Variants in RNF111 observed in about 807,000 individuals in gnomAD.
RNF111 encodes E3 ubiquitin-protein ligase Arkadia.
RNF111 carries 17 observed loss-of-function variants against 95.1 expected under a neutral mutation model. That is an observed-to-expected ratio of 0.18 (90% CI 0.12 to 0.27). The LOEUF is 0.27. RNF111 is among the 10% of genes least tolerant of loss of function. The pLI, the probability that RNF111 is intolerant of heterozygous loss-of-function variation, is 1.00. For synonymous variants in RNF111, 440 were observed against 414.8 expected (o/e 1.06, Z -0.74); for missense variants, 1,189 against 1,210.4 (o/e 0.98, Z 0.26).
intron 2 of RNF111, 86 bp from the exon 3 acceptor site, chr15:59,052,219 T>TG: frequency 8.4e-7 from 1 of 1,185,364 alleles, no homozygotes; most frequent in Non-Finnish European, 1.1e-6. Flanking sequence ...ATGAATTTCA[T>TG]GGTCTTCAAA....
At chr15:59,076,659 A>C (rs1339071050) in intron 7 of RNF111, among the ~76,000 whole-genome samples, 1 of 152,226 alleles carries the variant, frequency 6.6e-6, no homozygotes, top group Non-Finnish European at 1.5e-5. Flanking sequence ...CAGGAGTTTG[A>C]GACCAGCCTA....
chr15:59,021,011 C>A (rs1006078999), intron 1 of RNF111, among the ~76,000 whole-genome samples: 1 of 151,914 alleles, frequency 6.6e-6, no homozygotes, highest in Non-Finnish European at 1.5e-5. Context: ...TTTGGTGCAC[C>A]CATCACCTGA....
At chr15:59,029,440 G>A (rs1483261684) in intron 1 of RNF111, among the ~76,000 whole-genome samples, 2 of 152,204 alleles carry the variant, frequency 1.3e-5, no homozygotes, top group African/African-American at 2.4e-5. Context: ...GCTGATCTTG[G>A]ATACAGCACT....
chr15:59,078,671 C>A (rs2078642724), intron 7 of RNF111, among the ~76,000 whole-genome samples: 3 of 151,768 alleles, frequency 2.0e-5, no homozygotes, highest in Non-Finnish European at 2.9e-5. Flanking sequence ...CCAGCCTGGC[C>A]AACATGGCGA....
chr15:59,067,962 GTATTAT>G (rs1341419234), intron 6 of RNF111, among the ~76,000 whole-genome samples: 1 of 152,154 alleles, frequency 6.6e-6, no homozygotes, highest in Admixed American at 6.5e-5. Context: ...AAATTAGTTG[GTATTAT>G]TATTGAGTTC....
At chr15:59,078,865 A>G (rs1448851230) in intron 7 of RNF111, among the ~76,000 whole-genome samples, 2 of 133,278 alleles carry the variant, frequency 1.5e-5, no homozygotes, top group African/African-American at 6.4e-5. Context: ...TCTCAAAAGA[A>G]GAAAAAAAAA....
chr15:59,028,920 C>T (rs9788719), intron 1 of RNF111, among the ~76,000 whole-genome samples: 48,666 of 151,784 alleles, frequency 0.32, 7,907 homozygotes, highest in Middle Eastern at 0.41. Context: ...GCTGGGATTA[C>T]AGTCAGTGCG....
intron 12 of RNF111, 112 bp from the exon 13 acceptor site, chr15:59,092,425 G>A (rs1010082705): frequency 5.3e-6 from 6 of 1,133,448 alleles, no homozygotes; most frequent in African/African-American, 1.6e-5. Context: ...AAAAAAGTGC[G>A]GGTGAATATG....
At chr15:59,033,345 C>G (rs2041011682) in intron 2 of RNF111, among the ~76,000 whole-genome samples, 2 of 152,134 alleles carry the variant, frequency 1.3e-5, no homozygotes, top group Non-Finnish European at 2.9e-5. Flanking sequence ...AAACCAGTAA[C>G]CTTGTTATTA....
intron 13 of RNF111, among the ~76,000 whole-genome samples, chr15:59,093,986 T>C (rs2079128212): frequency 6.6e-6 from 1 of 152,206 alleles, no homozygotes; most frequent in African/African-American, 2.4e-5. Flanking sequence ...ATAAAAACTC[T>C]TAACAGTTGC....
At chr15:59,006,196 C>G (rs1404502989) in intron 1 of RNF111, among the ~76,000 whole-genome samples, 2 of 152,180 alleles carry the variant, frequency 1.3e-5, no homozygotes, top group African/African-American at 4.8e-5. Flanking sequence ...TAAAAACCAA[C>G]CAAGTTGATG....
At chr15:59,091,492 CT>C (rs1474031051) in intron 12 of RNF111, among the ~76,000 whole-genome samples, 1 of 152,080 alleles carries the variant, frequency 6.6e-6, no homozygotes, top group African/African-American at 2.4e-5. Context: ...TGCAGATTGC[CT>C]TTCATGCCAA....
At chr15:59,073,982 G>T (rs1374774355) in intron 6 of RNF111, among the ~76,000 whole-genome samples, 3 of 152,146 alleles carry the variant, frequency 2.0e-5, no homozygotes, top group Admixed American at 6.5e-5. Context: ...TATGTGCATT[G>T]TCAAGAAACA....
chr15:59,066,759 TCAAG>T lies in RNF111; in HGVS notation c.1367-4_1367-1del. 6.2e-7 allele frequency: 1 copy of T among 1,608,336 alleles called. No individual in the cohort carries two copies. ...ATTATTCTGTGCATTTTTTTCTGTT[TCAAG>T]ATGACTCAAGGAGAACTACATCTAG... On this transcript the variant is annotated splice_acceptor_variant and splice_polypyrimidine_tract_variant and intron_variant, in intron 5 of 13. Transcript: ENST00000348370. LOFTEE classifies it high-confidence loss of function.
intron 2 of RNF111, among the ~76,000 whole-genome samples, chr15:59,037,784 C>T (rs757189006): frequency 5.6e-4 from 85 of 152,094 alleles, no homozygotes; most frequent in Admixed American, 8.5e-4. Context: ...TGCTGTGAGC[C>T]GAGATCACGC....
intron 1 of RNF111, among the ~76,000 whole-genome samples, chr15:59,009,161 A>T (rs146191182): frequency 0.025 from 3,773 of 151,962 alleles, 93 homozygotes; most frequent in African/African-American, 0.054. Context: ...GGTTTCACCA[A>T]GTTGGCCAGG....
At chr15:59,080,294 T>C (rs1460012266) in intron 7 of RNF111, among the ~76,000 whole-genome samples, 1 of 152,044 alleles carries the variant, frequency 6.6e-6, no homozygotes, top group African/African-American at 2.4e-5. Context: ...ATAATTTTTG[T>C]ATTTTTAGTG....
chr15:58,991,880 T>C (rs1205204198), intron 1 of RNF111, among the ~76,000 whole-genome samples: 1 of 152,118 alleles, frequency 6.6e-6, no homozygotes, highest in African/African-American at 2.4e-5. Context: ...TTTTGAAACA[T>C]TGGGGGAAAT....
At chr15:59,092,857 G>A (rs867834260) in intron 13 of RNF111, among the ~76,000 whole-genome samples, 1 of 152,132 alleles carries the variant, frequency 6.6e-6, no homozygotes, top group African/African-American at 2.4e-5. Context: ...ACAATTATTT[G>A]CATGTGATGG....
Sources: allele counts gnomAD v4.1 joint callset (sites outside exome capture counted in the v4.1 genomes callset), GRCh38; gene constraint gnomAD v4.1.1; transcripts MANE v1.5; gene names NCBI Gene and HGNC (gene_info 2026-07-23, HGNC 2026-07-21).